The following TBC1D16 variants were observed in gnomAD, a reference collection of about 807,000 sequenced individuals.
TBC1D16 encodes the protein TBC1 domain family member 16, also known as CTD-2529O21.1.
TBC1D16 carries 58 observed loss-of-function variants against 74.7 expected under a neutral mutation model. The observed-to-expected ratio is 0.78, with a 90% CI of 0.63 to 0.97. The LOEUF (loss-of-function observed/expected upper bound fraction) is 0.97, where lower values mean the gene tolerates loss of function less well. Among genes scored for constraint, TBC1D16 ranks in the 50% least tolerant of loss-of-function variants. TBC1D16 has a pLI of 0.00. For synonymous variants in TBC1D16, 493 were observed against 474.7 expected (o/e 1.04, Z -0.50); for missense variants, 1,014 against 1,079.5 (o/e 0.94, Z 0.85).
chr17:80,023,652 G>C lies in TBC1D16; in HGVS notation c.-62-10043C>G, dbSNP rs544811388. ...GTGCAGGCCAGGAGCGAGAACTGCT[G>C]CCGGGCCCCCCCCCACCGGCTCAGG... On this transcript the variant is annotated intron_variant, in intron 1 of 11. Coordinates refer to ENST00000310924, the MANE Select transcript of TBC1D16 (RefSeq NM_019020.4). 6.1e-5 allele frequency among the ~76,000 whole-genome samples: 8 copies of C among 131,074 alleles called. No homozygotes were observed. In the East Asian group the frequency reaches 1.7e-3, roughly 28 times the overall value. The allele number at this position is 131,074 out of a possible 152,430, so 86.0% of individuals were successfully genotyped here. A position where few individuals can be genotyped will look rare whatever the true frequency, so the allele number is the denominator to read the frequency against.
At chr17:79,949,426 A>G (rs1042062158) in intron 7 of TBC1D16, among the ~76,000 whole-genome samples, 1 of 152,190 alleles carries the variant, frequency 6.6e-6, no homozygotes, top group Admixed American at 6.5e-5. Flanking sequence ...CCCTGCTCCC[A>G]GCCCCAGCCT....
At chr17:79,949,963 C>A in intron 6 of TBC1D16, 98 bp from the exon 7 acceptor site, 2 of 1,419,420 alleles carry the variant, frequency 1.4e-6, no homozygotes, top group Non-Finnish European at 1.9e-6. Flanking sequence ...TTTTGGTGCG[C>A]CTTGATTCAG....
chr17:79,940,613 T>C lies in TBC1D16; in HGVS notation c.*246A>G. 1 of 389,078 alleles carries C rather than the reference T, an allele frequency of 2.6e-6. No individual in the cohort carries two copies. Among genetic ancestry groups the C allele is most frequent in the Non-Finnish European group, 4.5e-6 (1 of 223,472 alleles). 24.1% of individuals were successfully genotyped at this position (389,078 alleles called of 1,614,324 possible). A position where few individuals can be genotyped will look rare whatever the true frequency, so the allele number is the denominator to read the frequency against. The stretch of plus-strand genomic sequence containing the variant: ...CAGCCAGCCTGCGTCTCAGGTGCGG[T>C]GGCTGCGCGTTCCACTGCAGCGTTT... On this transcript the variant is annotated 3_prime_UTR_variant, in exon 12 of 12. Transcript: ENST00000310924. The surrounding 1 kb of genome is among the most constrained non-coding windows in gnomAD (Gnocchi z 5.4).
At chr17:79,964,165 G>A (rs1054626652) in intron 3 of TBC1D16, among the ~76,000 whole-genome samples, 16 of 151,956 alleles carry the variant, frequency 1.1e-4, no homozygotes, top group African/African-American at 3.1e-4. Flanking sequence ...TGGTAGAGAC[G>A]GGGTTTCACC....
At chr17:80,011,472 T>G (rs1441358997) in intron 2 of TBC1D16, among the ~76,000 whole-genome samples, 1 of 152,148 alleles carries the variant, frequency 6.6e-6, no homozygotes, top group Non-Finnish European at 1.5e-5. Flanking sequence ...GTGCCCAGCT[T>G]CATGGCTTTA....
chr17:80,003,540 G>A (rs1326065526), intron 3 of TBC1D16, among the ~76,000 whole-genome samples: 1 of 152,106 alleles, frequency 6.6e-6, no homozygotes, highest in African/African-American at 2.4e-5. Flanking sequence ...GAGATGCTTA[G>A]CGTCCCCAAA....
Position 79,951,377 on chromosome 17 carries a change from A to T in TBC1D16, c.1089+73T>A, listed in dbSNP as rs372549138. ...CCCGGGGACCCCAGACACAGGACCC[A>T]GGAGGGAGATGGGGCCCGTGGGGGG... is the stretch of plus-strand genomic sequence containing the variant. On this transcript the variant is annotated intron_variant, in intron 5 of 11. Coordinates refer to ENST00000310924, the MANE Select transcript of TBC1D16 (RefSeq NM_019020.4). The T allele has an allele frequency of 3.8e-4, 593 of 1,556,098 alleles. 3 individuals are homozygous for T. The African/African-American group carries it at 7.3e-3, about 19-fold the overall frequency.
intron 3 of TBC1D16, among the ~76,000 whole-genome samples, chr17:79,968,595 T>C (rs1005040183): frequency 1.3e-5 from 2 of 152,204 alleles, no homozygotes; most frequent in Non-Finnish European, 2.9e-5. Context: ...GGCTCACGCC[T>C]GTAATCCCAG....
At chr17:80,033,274 A>G (rs2036835780) in intron 1 of TBC1D16, among the ~76,000 whole-genome samples, 1 of 152,190 alleles carries the variant, frequency 6.6e-6, no homozygotes, top group Non-Finnish European at 1.5e-5. Flanking sequence ...AAGTCTCTGA[A>G]GTAGGTAGTA....
Position 79,948,940 on chromosome 17 carries a change from G to A in TBC1D16, c.1473C>T (p.Asp491=), listed in dbSNP as rs2032799656. 2 of 1,614,142 alleles carry A rather than the reference G, an allele frequency of 1.2e-6. No homozygotes were observed. The highest frequency in any genetic ancestry group is 4.5e-5 in the East Asian group (2 of 44,874). ...GGTTGTTCCGATCTGTCCGGACCAC[G>A]TCTTTGTCCACAGTGAACTGCACAT... ...WRNVQFTVDK[D]VVRTDRNNQF... is the part of the protein sequence containing the mutation. The change falls in exon 8 of 12, where the codon GAC becomes GAT. Residue 491 remains aspartate, a synonymous_variant. Transcript: ENST00000310924.
intron 3 of TBC1D16, among the ~76,000 whole-genome samples, chr17:79,989,851 C>T (rs1444335101): frequency 1.3e-5 from 2 of 152,182 alleles, no homozygotes; most frequent in African/African-American, 4.8e-5. Context: ...CATGGCCACT[C>T]TAGCGCCAGC....
chr17:79,967,585 G>A (rs1244875516), intron 3 of TBC1D16, among the ~76,000 whole-genome samples: 1 of 152,154 alleles, frequency 6.6e-6, no homozygotes, highest in East Asian at 1.9e-4. Context: ...TATAAAAGTT[G>A]AAACAAATTA....
chr17:79,943,125 C>A (rs2032176593), intron 10 of TBC1D16, among the ~76,000 whole-genome samples: 1 of 152,224 alleles, frequency 6.6e-6, no homozygotes, highest in African/African-American at 2.4e-5. Flanking sequence ...GCGGAGCACA[C>A]CATGAGGGCA....
chr17:80,028,422 G>A (rs1334242859), intron 1 of TBC1D16, among the ~76,000 whole-genome samples: 1 of 151,744 alleles, frequency 6.6e-6, no homozygotes, highest in Non-Finnish European at 1.5e-5. Context: ...ACAGTTGCTC[G>A]GGAGGCTGAG....
In TBC1D16 at chr17:79,936,074, C is replaced by T. The variant is rs1285504520; in HGVS notation, c.*4785G>A. The T allele has an allele frequency of 6.6e-6, 1 of 152,246 alleles. No homozygotes were observed. The highest frequency in any genetic ancestry group is 1.5e-5 in the Non-Finnish European group (1 of 68,050). The allele number at this position is 152,246 out of a possible 1,614,324, so 9.4% of individuals were successfully genotyped here. On this transcript the variant is annotated 3_prime_UTR_variant, in exon 12 of 12. Coordinates refer to ENST00000310924, the MANE Select transcript of TBC1D16 (RefSeq NM_019020.4). ...GACCCAGGAGGCAGAGTCCGCAGCC[C>T]GAGGGAGCTTCAAGGCCGAGGGGTA... is the stretch of plus-strand genomic sequence containing the variant.
At chr17:79,998,623 G>C (rs1318421707) in intron 3 of TBC1D16, among the ~76,000 whole-genome samples, 3 of 151,500 alleles carry the variant, frequency 2.0e-5, no homozygotes, top group Admixed American at 2.0e-4. Context: ...GGGATTACAG[G>C]TGTGAGCCAC....
In TBC1D16 at chr17:79,934,502, C is replaced by T. The variant is rs966454207; in HGVS notation, c.*6357G>A. ...GCAGAGTCCACGGTAAGAGCCAGGA[C>T]GTGGCTTCCAGGCAGGATGGGGAAG... On this transcript the variant is annotated 3_prime_UTR_variant, in exon 12 of 12. Coordinates refer to ENST00000310924, the MANE Select transcript of TBC1D16 (RefSeq NM_019020.4). The T allele has an allele frequency of 1.3e-5, 2 of 152,264 alleles. No individual in the cohort carries two copies. The highest frequency in any genetic ancestry group is 4.8e-5 in the African/African-American group (2 of 41,460). 9.4% of individuals were successfully genotyped at this position (152,264 alleles called of 1,614,324 possible). A position where few individuals can be genotyped will look rare whatever the true frequency, so the allele number is the denominator to read the frequency against.
chr17:80,015,080 CAT>C (rs1435316573), intron 1 of TBC1D16, among the ~76,000 whole-genome samples: 1 of 152,214 alleles, frequency 6.6e-6, no homozygotes, highest in Non-Finnish European at 1.5e-5. Context: ...TCTATACACA[CAT>C]GGAGCTCACA....
rs2143682217 is a variant in TBC1D16 at position 79,950,333 on chromosome 17, C to T, written c.1257+78G>A. ...TGGGTGCGGGCGGGCGGCCAGGCCCCGGCCCTCCTTCCCTCTCGCTCGTTC... is the reference window on the plus strand; with the variant it reads ...TGGGTGCGGGCGGGCGGCCAGGCCCTGGCCCTCCTTCCCTCTCGCTCGTTC... On this transcript the variant is annotated intron_variant, in intron 6 of 11. Transcript: ENST00000310924. The surrounding 1 kb of genome is among the most constrained non-coding windows in gnomAD (Gnocchi z 4.6). The T allele has an allele frequency of 1.4e-6, 2 of 1,470,848 alleles. No homozygotes were observed. Among genetic ancestry groups the T allele is most frequent in the Non-Finnish European group, 1.8e-6 (2 of 1,114,618 alleles). The allele number at this position is 1,470,848 out of a possible 1,614,324, so 91.1% of individuals were successfully genotyped here.
Sources: gnomAD v4.1 joint callset for allele counts (sites outside exome capture counted in the v4.1 genomes callset) on GRCh38, gnomAD v4.1.1 for gene constraint, Gnocchi (gnomAD v3.1) non-coding constraint, MANE v1.5 for transcripts, NCBI Gene and HGNC (gene_info 2026-07-23, HGNC 2026-07-21) for gene names.